Variants in DLEU7 observed in about 807,000 individuals in gnomAD.
DLEU7 encodes the protein deleted in lymphocytic leukemia 7.
In DLEU7, 17 loss-of-function variants were observed where a neutral mutation model predicts 16.0. The observed-to-expected ratio is 1.06, with a 90% CI of 0.73 to 1.59. The LOEUF (loss-of-function observed/expected upper bound fraction) is 1.59, where lower values mean the gene tolerates loss of function less well. Among genes scored for constraint, DLEU7 ranks in the 40% most tolerant of loss-of-function variants. The pLI, the probability that DLEU7 is intolerant of heterozygous loss-of-function variation, is 0.00. For synonymous variants in DLEU7, 113 were observed against 139.8 expected (o/e 0.81, Z 1.35); for missense variants, 308 against 314.9 (o/e 0.98, Z 0.17).
intron 1 of DLEU7, among the ~76,000 whole-genome samples, chr13:50,772,790 T>A (rs1049114111): frequency 2.0e-5 from 3 of 152,194 alleles, no homozygotes; most frequent in African/African-American, 7.2e-5. Context: ...TTCTCTGTAT[T>A]TCCTGAATTT....
At chr13:50,841,993 C>G (rs1593420681) in intron 1 of DLEU7, among the ~76,000 whole-genome samples, 1 of 149,644 alleles carries the variant, frequency 6.7e-6, no homozygotes, top group East Asian at 2.1e-4. Context: ...GCTGTATCAA[C>G]TTGCGGCGAG....
chr13:50,714,509 G>GA lies in DLEU7; in HGVS notation c.460-1270dup, dbSNP rs558639450. Among the ~76,000 whole-genome samples, 338 of 151,572 alleles carry GA rather than the reference G, an allele frequency of 2.2e-3. 1 individual carries two copies. The highest frequency in any genetic ancestry group is 3.2e-3 in the Non-Finnish European group (216 of 67,836). On this transcript the variant is annotated intron_variant, in intron 1 of 1. Transcript: ENST00000400393. ...GTGCTAGCTGACATCTTTGAGCTGA[G>GA]AAAAAAAAATATTGTTAAAAATGCT...
At chr13:50,801,348 C>T (rs1394423812) in intron 1 of DLEU7, among the ~76,000 whole-genome samples, 1 of 152,112 alleles carries the variant, frequency 6.6e-6, no homozygotes, top group Admixed American at 6.5e-5. Context: ...CAGATGTTTT[C>T]AGCTATTCCA....
intron 1 of DLEU7, among the ~76,000 whole-genome samples, chr13:50,836,134 TACA>T (rs1378098913): frequency 3.3e-5 from 5 of 152,356 alleles, no homozygotes; most frequent in Admixed American, 6.5e-5. Flanking sequence ...CCACCAGCTC[TACA>T]ACAAGTTGGC....
intron 1 of DLEU7, among the ~76,000 whole-genome samples, chr13:50,732,943 ACTGTGATGTC>A (rs1176686813): frequency 3.9e-5 from 6 of 152,086 alleles, no homozygotes; most frequent in African/African-American, 9.7e-5. Context: ...AACATCACTC[ACTGTGATGTC>A]CTGAGGGCAT....
At chr13:50,711,296 C>G (rs1313074571), downstream of DLEU7, 3 of 152,208 alleles carry the variant, frequency 2.0e-5, no homozygotes, top group African/African-American at 7.2e-5. Context: ...AGCTTTGGCA[C>G]ATGGAGGCAT....
chr13:50,762,123 G>A (rs907858070), intron 1 of DLEU7, among the ~76,000 whole-genome samples: 1 of 150,212 alleles, frequency 6.7e-6, no homozygotes, highest in Non-Finnish European at 1.5e-5. Context: ...CCCGGGAGGC[G>A]GAGGTTGCAG....
chr13:50,771,423 A>G (rs146274245), intron 1 of DLEU7, among the ~76,000 whole-genome samples: 2 of 152,310 alleles, frequency 1.3e-5, no homozygotes, highest in East Asian at 3.9e-4. Flanking sequence ...TTCCCTCTAC[A>G]CAGTGCTTTA....
At chr13:50,753,273 G>C (rs909520196) in intron 1 of DLEU7, among the ~76,000 whole-genome samples, 1 of 152,236 alleles carries the variant, frequency 6.6e-6, no homozygotes, top group Non-Finnish European at 1.5e-5. Context: ...AGGGCTGCAG[G>C]TGGAGCTGCC....
chr13:50,825,396 CAT>C (rs1324383416), intron 1 of DLEU7, among the ~76,000 whole-genome samples: 3 of 152,114 alleles, frequency 2.0e-5, no homozygotes, highest in Admixed American at 6.6e-5. Flanking sequence ...CCTTAATACT[CAT>C]GTGTCACCTT....
chr13:50,776,567 C>T (rs1433720533), intron 1 of DLEU7, among the ~76,000 whole-genome samples: 2 of 152,082 alleles, frequency 1.3e-5, no homozygotes, highest in Non-Finnish European at 2.9e-5. Context: ...TCTTGTGGGT[C>T]CCAGATCTCA....
chr13:50,832,773 C>T (rs1386215052), intron 1 of DLEU7, among the ~76,000 whole-genome samples: 1 of 152,184 alleles, frequency 6.6e-6, no homozygotes, highest in Non-Finnish European at 1.5e-5. Context: ...TGTTCAGTTT[C>T]CATGTAGTTG....
chr13:50,783,558 G>C (rs1875714376), intron 1 of DLEU7, among the ~76,000 whole-genome samples: 1 of 152,148 alleles, frequency 6.6e-6, no homozygotes, highest in Non-Finnish European at 1.5e-5. Context: ...TCCCTCCCTA[G>C]TATGGGGAGG....
At chr13:50,815,003 T>G (rs1182843095) in intron 1 of DLEU7, among the ~76,000 whole-genome samples, 1 of 152,020 alleles carries the variant, frequency 6.6e-6, no homozygotes, top group East Asian at 1.9e-4. Context: ...AAATCTATAA[T>G]TCTATTTAAA....
chr13:50,795,702 T>C (rs1876091735), intron 1 of DLEU7, among the ~76,000 whole-genome samples: 1 of 152,218 alleles, frequency 6.6e-6, no homozygotes, highest in Non-Finnish European at 1.5e-5. Flanking sequence ...CAATTAACAG[T>C]AAACGTTATT....
chr13:50,784,187 T>G (rs901137868), intron 1 of DLEU7, among the ~76,000 whole-genome samples: 3 of 152,224 alleles, frequency 2.0e-5, no homozygotes, highest in African/African-American at 7.2e-5. Context: ...TCATGTTGTA[T>G]TAAGATATAT....
At chr13:50,814,997 CT>C (rs890068618) in intron 1 of DLEU7, among the ~76,000 whole-genome samples, 21 of 151,984 alleles carry the variant, frequency 1.4e-4, no homozygotes, top group Admixed American at 3.3e-4. Flanking sequence ...ATCTATAAAT[CT>C]ATAATTCTAT....
chr13:50,716,769 T>C (rs1329956758), intron 1 of DLEU7, among the ~76,000 whole-genome samples: 1 of 152,218 alleles, frequency 6.6e-6, no homozygotes, highest in African/African-American at 2.4e-5. Context: ...AATTGAACAT[T>C]TATATATATT....
chr13:50,784,480 T>C (rs545302442), intron 1 of DLEU7, among the ~76,000 whole-genome samples: 1 of 152,324 alleles, frequency 6.6e-6, no homozygotes, highest in Admixed American at 6.5e-5. Flanking sequence ...GGAGAAGCAA[T>C]GGGAATTTTC....
Sources: gnomAD v4.1 joint callset for allele counts (sites outside exome capture counted in the v4.1 genomes callset) on GRCh38, gnomAD v4.1.1 for gene constraint, MANE v1.5 for transcripts, NCBI Gene and HGNC (gene_info 2026-07-23, HGNC 2026-07-21) for gene names.